The following DZANK1 variants were observed in gnomAD, a reference collection of about 807,000 sequenced individuals.
DZANK1 encodes double zinc ribbon and ankyrin repeat-containing protein 1.
DZANK1 carries 91 observed loss-of-function variants against 94.5 expected under a neutral mutation model. That is an observed-to-expected ratio of 0.96 (90% CI 0.81 to 1.15). The LOEUF (loss-of-function observed/expected upper bound fraction) is 1.15, where lower values mean the gene tolerates loss of function less well. DZANK1 is among the 50% of genes most tolerant of loss of function. The pLI, the probability that DZANK1 is intolerant of heterozygous loss-of-function variation, is 0.00. For synonymous variants in DZANK1, 312 were observed against 325.3 expected (o/e 0.96, Z 0.44); for missense variants, 903 against 916.4 (o/e 0.99, Z 0.19).
At chr20:18,460,274 C>T in exon 3 of DZANK1, 1 of 1,583,492 alleles carries the variant, frequency 6.3e-7, no homozygotes, top group Non-Finnish European at 8.6e-7. Flanking sequence ...TTGCTGCCAT[C>T]CAGAGTATAA....
chr20:18,427,342 T>G (rs975460303), intron 9 of DZANK1, among the ~76,000 whole-genome samples, 183 bp from the exon 10 acceptor site: 3 of 151,880 alleles, frequency 2.0e-5, no homozygotes, highest in Non-Finnish European at 4.4e-5. Context: ...TAGGTTTTTT[T>G]GGGTTTTTTT....
chr20:18,465,252 G>T lies in DZANK1; in HGVS notation c.107C>A (p.Ser36Ter). The T allele has an allele frequency of 6.4e-7, 1 of 1,568,392 alleles. No homozygotes were observed. Among genetic ancestry groups the T allele is most frequent in the Non-Finnish European group, 8.7e-7 (1 of 1,148,914 alleles). ...TTTCAAACATATGTGATTCTTACCTGATTTCATTTCCAAAAGCGTATTGTT... is the reference window on the plus strand; with the variant it reads ...TTTCAAACATATGTGATTCTTACCTTATTTCATTTCCAAAAGCGTATTGTT... Residue 36 changes from serine to a stop codon, truncating the protein, a stop_gained and splice_region_variant, in exon 2 of 21, where the codon TCA becomes TAA. Coordinates refer to ENST00000262547, the Ensembl canonical transcript of DZANK1. LOFTEE classifies it high-confidence loss of function.
chr20:18,443,100 A>T (rs552453929), intron 8 of DZANK1, among the ~76,000 whole-genome samples: 2 of 152,216 alleles, frequency 1.3e-5, no homozygotes, highest in African/African-American at 4.8e-5. Flanking sequence ...TTATCCATGC[A>T]TGCCTCATTA....
At chr20:18,418,530 T>C (rs2057611401) in intron 10 of DZANK1, among the ~76,000 whole-genome samples, 2 of 152,238 alleles carry the variant, frequency 1.3e-5, no homozygotes, top group Admixed American at 1.3e-4. Flanking sequence ...GAATTTTAAA[T>C]TGTACCCTAG....
At chr20:18,406,777 C>T (rs1351100082) in intron 13 of DZANK1, among the ~76,000 whole-genome samples, 1 of 152,214 alleles carries the variant, frequency 6.6e-6, no homozygotes, top group Admixed American at 6.5e-5. Flanking sequence ...GGGCCTTGGA[C>T]AGGATTTCTG....
chr20:18,398,767 C>G, intron 13 of DZANK1, 141 bp from the exon 14 acceptor site: 1 of 743,118 alleles, frequency 1.3e-6, no homozygotes, highest in Non-Finnish European at 2.3e-6. Context: ...TGAACCTCAA[C>G]TATGCTCTGG....
chr20:18,415,250 A>G, intron 11 of DZANK1, 77 bp downstream of exon 11: 18 of 1,323,058 alleles, frequency 1.4e-5, no homozygotes, highest in Non-Finnish European at 1.4e-5. Context: ...CTGCAAGGCC[A>G]TGGAAGAAGT....
At chr20:18,388,249 G>T (rs925382572) in intron 19 of DZANK1, among the ~76,000 whole-genome samples, 1 of 152,174 alleles carries the variant, frequency 6.6e-6, no homozygotes, top group Non-Finnish European at 1.5e-5. Context: ...CTGCAGGGGG[G>T]TGACAAAGGC....
At chr20:18,401,054 A>G (rs2056650521) in intron 13 of DZANK1, among the ~76,000 whole-genome samples, 1 of 152,030 alleles carries the variant, frequency 6.6e-6, no homozygotes, top group African/African-American at 2.4e-5. Context: ...CTCCTGCCTC[A>G]GCCTCCTGAG....
exon 17 of DZANK1, chr20:18,393,806 C>A: frequency 6.2e-7 from 1 of 1,608,852 alleles, no homozygotes; most frequent in South Asian, 1.1e-5. Context: ...TGGCTGTAGT[C>A]ACTCACTGAA....
intron 9 of DZANK1, chr20:18,432,647 C>A (rs1188652487): frequency 6.6e-6 from 1 of 152,150 alleles, no homozygotes; most frequent in African/African-American, 2.4e-5. Flanking sequence ...ATATACAACC[C>A]ACAAGGCCAT....
In DZANK1 at chr20:18,450,101, TAAATAAATAAAC is replaced by T. The variant is rs1264971589; in HGVS notation, c.544-1044_544-1033del. Among the ~76,000 whole-genome samples the T allele has an allele frequency of 6.9e-4, 96 of 138,812 alleles. 1 individual carries two copies. Among genetic ancestry groups the T allele is most frequent in the Middle Eastern group, 7.2e-3 (2 of 278 alleles). 91.1% of individuals were successfully genotyped at this position (138,812 alleles called of 152,430 possible). A position where few individuals can be genotyped will look rare whatever the true frequency, so the allele number is the denominator to read the frequency against. The stretch of plus-strand genomic sequence containing the variant: ...TCAAATAAATAAATAAATAAATAAA[TAAATAAATAAAC>T]AAACAAACAAACAAACTTCAGTATC... On this transcript the variant is annotated intron_variant, in intron 6 of 20. Transcript: ENST00000262547.
intron 10 of DZANK1, 112 bp from the exon 11 acceptor site, chr20:18,415,561 T>G: frequency 7.8e-6 from 9 of 1,161,150 alleles, no homozygotes; most frequent in South Asian, 4.0e-5. Context: ...GGAAATAGTG[T>G]TTTTTTTGTT....
intron 13 of DZANK1, among the ~76,000 whole-genome samples, chr20:18,400,733 T>C (rs1204868679): frequency 6.6e-6 from 1 of 152,162 alleles, no homozygotes; most frequent in Admixed American, 6.5e-5. Context: ...TGACACAAAG[T>C]AGCCATTTAT....
At chr20:18,402,099 G>A (rs2056714046) in intron 13 of DZANK1, among the ~76,000 whole-genome samples, 1 of 152,142 alleles carries the variant, frequency 6.6e-6, no homozygotes, top group Non-Finnish European at 1.5e-5. Flanking sequence ...TTCTGGCATG[G>A]CAGCCTAGGG....
chr20:18,389,581 A>G, intron 19 of DZANK1, 120 bp downstream of exon 19: 4 of 1,397,372 alleles, frequency 2.9e-6, no homozygotes, highest in Non-Finnish European at 3.8e-6. Context: ...GAAATAGGTT[A>G]AAATGGTTAA....
intron 15 of DZANK1, among the ~76,000 whole-genome samples, chr20:18,395,754 C>T (rs993665908): frequency 2.0e-5 from 3 of 152,206 alleles, no homozygotes; most frequent in African/African-American, 7.2e-5. Flanking sequence ...ACTTCCCTTC[C>T]CCTGAAGTTC....
chr20:18,392,686 C>T (rs1391027077), intron 17 of DZANK1, among the ~76,000 whole-genome samples: 1 of 152,206 alleles, frequency 6.6e-6, no homozygotes, highest in Non-Finnish European at 1.5e-5. Context: ...AAACACAAAA[C>T]TCTAAAGATG....
intron 7 of DZANK1, among the ~76,000 whole-genome samples, chr20:18,443,992 G>A (rs1379064441): frequency 6.6e-6 from 1 of 152,130 alleles, no homozygotes; most frequent in Non-Finnish European, 1.5e-5. Context: ...TGGACCCATC[G>A]TTTAGCTCCC....
Sources: gnomAD v4.1 joint callset for allele counts (sites outside exome capture counted in the v4.1 genomes callset) on GRCh38, gnomAD v4.1.1 for gene constraint, MANE v1.5 for transcripts, NCBI Gene and HGNC (gene_info 2026-07-23, HGNC 2026-07-21) for gene names.